DMD: variants seen among roughly 807,000 people sequenced by gnomAD.
DMD encodes mutant dystrophin.
In DMD, 63 loss-of-function variants were observed where a neutral mutation model predicts 330.1. That is an observed-to-expected ratio of 0.19 (90% CI 0.16 to 0.24). The LOEUF (loss-of-function observed/expected upper bound fraction) is 0.24, where lower values mean the gene tolerates loss of function less well. Ranked by LOEUF, DMD falls within the 10% of genes least tolerant of loss-of-function variation. The pLI is 1.00. For synonymous variants in DMD, 1,223 were observed against 959.8 expected, an observed-to-expected ratio of 1.27 and a Z score of -5.07; for missense variants, 3,344 against 2,684.1, an observed-to-expected ratio of 1.25 and a Z score of -5.43.
chrX:32,290,666 C>T (rs1275117235), intron 42 of DMD, among the ~76,000 whole-genome samples: 1 of 111,912 alleles, frequency 8.9e-6, no homozygotes, highest in Non-Finnish European at 1.9e-5. Flanking sequence ...ACATAAGGTC[C>T]ACTGAGCAAA....
intron 62 of DMD, among the ~76,000 whole-genome samples, chrX:31,274,134 T>C (rs1181049373): frequency 8.9e-6 from 1 of 112,076 alleles, no homozygotes; most frequent in Admixed American, 9.4e-5. Flanking sequence ...TGCTCTTCTG[T>C]AAACTGCTCT....
At chrX:31,711,711 A>G (rs987011411) in intron 52 of DMD, among the ~76,000 whole-genome samples, 4 of 110,690 alleles carry the variant, frequency 3.6e-5, no homozygotes, top group Non-Finnish European at 5.7e-5. Flanking sequence ...TAGTATTAGG[A>G]AGACCCTGAA....
intron 74 of DMD, among the ~76,000 whole-genome samples, chrX:31,163,746 C>T (rs1219867647): frequency 8.9e-6 from 1 of 111,819 alleles, no homozygotes; most frequent in Non-Finnish European, 1.9e-5. Flanking sequence ...CCTTCTCTCT[C>T]CTGCCTCCTG....
intron 55 of DMD, among the ~76,000 whole-genome samples, chrX:31,596,692 T>C (rs62587318): frequency 0.1 from 11,569 of 111,865 alleles, 571 homozygotes; most frequent in Admixed American, 0.2. Flanking sequence ...TTGCTATCCA[T>C]AGACTAGATA....
chrX:32,789,309 C>G (rs1054583782), intron 7 of DMD, among the ~76,000 whole-genome samples: 1 of 112,211 alleles, frequency 8.9e-6, no homozygotes, highest in Non-Finnish European at 1.9e-5. Flanking sequence ...GAACAGCAGG[C>G]TTAGTCATTT....
chrX:32,518,500 G>T (rs1450869126), intron 17 of DMD, among the ~76,000 whole-genome samples: 2 of 110,383 alleles, frequency 1.8e-5, no homozygotes, highest in African/African-American at 3.3e-5. Context: ...ATTCCTGTTG[G>T]TGGTCACCAT....
intron 11 of DMD, among the ~76,000 whole-genome samples, chrX:32,637,694 T>A (rs1199154454): frequency 9.0e-6 from 1 of 111,493 alleles, no homozygotes; most frequent in African/African-American, 3.3e-5. Flanking sequence ...AAACATGTCC[T>A]TCTTCACATG....
chrX:31,833,897 G>C (rs1416964742), intron 49 of DMD, among the ~76,000 whole-genome samples: 4 of 111,079 alleles, frequency 3.6e-5, no homozygotes, highest in Non-Finnish European at 7.5e-5. Flanking sequence ...CATCGTGAGA[G>C]ATTTTCATTT....
At position 32,777,277 on chromosome X, in the gene DMD, T is replaced by TGGGGGGGGGGGAGGTTGGG. The variant is rs546914107; in HGVS notation, c.649+32215_649+32216insCCCAACCTCCCCCCCCCCC. ...CTAGTTTTTAAGTTTGGTTTCTGGT[T>TGGGGGGGGGGGAGGTTGGG]GGGGGGGGAATCCTACCAAGCTAGG... On this transcript the variant is annotated intron_variant, in intron 7 of 78. Transcript: ENST00000357033. Among the ~76,000 whole-genome samples the TGGGGGGGGGGGAGGTTGGG allele has an allele frequency of 9.5e-4, 2 of 2,113 alleles. 1 individual carries two copies. The highest frequency in any genetic ancestry group is 0.011 in the Admixed American group (2 of 182). The allele number at this position is 2,113 out of a possible 115,157, so 1.8% of individuals were successfully genotyped here.
chrX:31,822,653 G>GGTGGGTGTGTGTGT (rs1556919108), intron 49 of DMD, among the ~76,000 whole-genome samples: 46 of 65,809 alleles, frequency 7.0e-4, no homozygotes, highest in Non-Finnish European at 7.1e-4. Context: ...AAGGCAGAGG[G>GGTGGGTGTGTGTGT]GTGTGTGTGT....
intron 33 of DMD, 115 bp downstream of exon 33, chrX:32,386,191 TAGAG>T (rs1158132373): frequency 7.5e-5 from 55 of 733,315 alleles, no homozygotes; most frequent in Admixed American, 2.7e-4. Context: ...TACATATACA[TAGAG>T]AGAGAGAGGT....
intron 48 of DMD, among the ~76,000 whole-genome samples, chrX:31,859,504 G>A (rs996085396): frequency 8.9e-6 from 1 of 112,163 alleles, no homozygotes; most frequent in African/African-American, 3.2e-5. Context: ...ATCTATGACA[G>A]TGCTTTTCAA....
In DMD at chrX:31,543,426, C is replaced by T. The variant is rs780648740; in HGVS notation, c.8218-35973G>A. Among the ~76,000 whole-genome samples, 5 of 111,506 alleles carry T rather than the reference C, an allele frequency of 4.5e-5. No individual in the cohort carries two copies. The South Asian group carries it at 1.5e-3, about 34-fold the overall frequency. On this transcript the variant is annotated intron_variant, in intron 55 of 78. Coordinates refer to ENST00000357033, the MANE Select transcript of DMD (RefSeq NM_004006.3). Reference sequence around the variant, plus strand: ...CCTCAGGTGATCCGCCCACCTTGGCCTCCCAAAGTGCTGGGATTACAGGTG... The same window carrying T: ...CCTCAGGTGATCCGCCCACCTTGGCTTCCCAAAGTGCTGGGATTACAGGTG...
At chrX:32,232,725 G>A (rs1377687765) in intron 43 of DMD, among the ~76,000 whole-genome samples, 3 of 111,676 alleles carry the variant, frequency 2.7e-5, no homozygotes, top group East Asian at 2.8e-4. Context: ...TTCCCACACC[G>A]GAAGGCACAT....
At chrX:32,199,352 G>T (rs918690176) in intron 44 of DMD, among the ~76,000 whole-genome samples, 1 of 111,400 alleles carries the variant, frequency 9.0e-6, no homozygotes, top group African/African-American at 3.3e-5. Flanking sequence ...AGCACTGACA[G>T]TTTTGAACAC....
intron 1 of DMD, among the ~76,000 whole-genome samples, chrX:33,073,329 A>C (rs916254452): frequency 8.9e-6 from 1 of 112,066 alleles, no homozygotes; most frequent in Non-Finnish European, 1.9e-5. Flanking sequence ...CAAAGCACTA[A>C]GAGGCTTAAA....
chrX:33,330,309 A>G (rs1314070455), intron 1 of DMD, among the ~76,000 whole-genome samples: 27 of 111,390 alleles, frequency 2.4e-4, no homozygotes, highest in Non-Finnish European at 7.5e-5. Context: ...TTGAAATTGG[A>G]TAAAACCTTA....
intron 41 of DMD, among the ~76,000 whole-genome samples, chrX:32,313,150 A>G (rs1468442306): frequency 9.2e-6 from 1 of 109,112 alleles, no homozygotes; most frequent in Non-Finnish European, 1.9e-5. Context: ...AAAATCCTCA[A>G]TAAAATACTG....
chrX:31,143,871 GA>G (rs2036376782), intron 76 of DMD, among the ~76,000 whole-genome samples: 1 of 111,791 alleles, frequency 8.9e-6, no homozygotes, highest in Non-Finnish European at 1.9e-5. Flanking sequence ...TCCTGAAGTA[GA>G]AAAAAATAAG....
Sources: gnomAD v4.1 joint callset for allele counts (sites outside exome capture counted in the v4.1 genomes callset) on GRCh38, gnomAD v4.1.1 for gene constraint, MANE v1.5 for transcripts, NCBI Gene and HGNC (gene_info 2026-07-23, HGNC 2026-07-21) for gene names.